Variants in DLGAP2 observed in about 807,000 individuals in gnomAD.
DLGAP2 encodes DLG associated protein 2.
In DLGAP2, 26 loss-of-function variants were observed where a neutral mutation model predicts 100.3. The ratio of observed to expected loss-of-function variants is 0.26; its 90% CI spans 0.19 to 0.36. The LOEUF is 0.36. Among genes scored for constraint, DLGAP2 ranks in the 10% least tolerant of loss-of-function variants. The pLI, the probability that DLGAP2 is intolerant of heterozygous loss-of-function variation, is 1.00. For synonymous variants in DLGAP2, 886 were observed against 630.1 expected (o/e 1.41, Z -6.08); for missense variants, 1,858 against 1,453.2 (o/e 1.28, Z -4.53).
At chr8:782,604 C>A (rs1821724430) in intron 1 of DLGAP2, among the ~76,000 whole-genome samples, 1 of 152,154 alleles carries the variant, frequency 6.6e-6, no homozygotes. Context: ...ATTGCTATGG[C>A]AGATTCAAAT....
intron 2 of DLGAP2, among the ~76,000 whole-genome samples, chr8:1,229,807 T>A (rs1365345306): frequency 6.6e-6 from 1 of 152,120 alleles, no homozygotes; most frequent in Non-Finnish European, 1.5e-5. Flanking sequence ...AAGCTTTAGA[T>A]AAAATCCAAC....
At chr8:893,817 A>T (rs1798085449) in intron 1 of DLGAP2, among the ~76,000 whole-genome samples, 1 of 152,222 alleles carries the variant, frequency 6.6e-6, no homozygotes, top group Non-Finnish European at 1.5e-5. Flanking sequence ...TGACAGAACG[A>T]GACCCCCTTC....
At chr8:1,584,897 T>C (rs1021604970) in intron 6 of DLGAP2, among the ~76,000 whole-genome samples, 1 of 152,188 alleles carries the variant, frequency 6.6e-6, no homozygotes, top group Non-Finnish European at 1.5e-5. Flanking sequence ...TTACCTCATT[T>C]CTTTCTTCTT....
intron 3 of DLGAP2, chr8:1,301,501 G>A (rs1031553848): frequency 1.3e-5 from 2 of 151,998 alleles, no homozygotes; most frequent in African/African-American, 4.8e-5. Context: ...ATAGGTCTGA[G>A]GTTCATGCTG....
intron 6 of DLGAP2, among the ~76,000 whole-genome samples, chr8:1,624,919 G>C (rs941081928): frequency 4.0e-5 from 6 of 151,600 alleles, no homozygotes; most frequent in Admixed American, 3.9e-4. Context: ...GGGAGGGGAA[G>C]GTAGGTAGGA....
chr8:1,566,194 A>T lies in DLGAP2; in HGVS notation c.1442+300A>T, dbSNP rs1802394432. Among the ~76,000 whole-genome samples the T allele has an allele frequency of 2.6e-5, 4 of 152,206 alleles. No individual in the cohort carries two copies. In the South Asian group the frequency reaches 8.3e-4, roughly 31 times the overall value. Reference sequence around the variant, plus strand: ...CATTCAGATTATCCTCAGGACAAGCACATGTCTCTGTTTGTATGAATGTGT... The same window carrying T: ...CATTCAGATTATCCTCAGGACAAGCTCATGTCTCTGTTTGTATGAATGTGT... On this transcript the variant is annotated intron_variant, in intron 6 of 14. Transcript: ENST00000637795.
At chr8:1,041,550 CG>C (rs1802347846) in intron 2 of DLGAP2, among the ~76,000 whole-genome samples, 2 of 149,854 alleles carry the variant, frequency 1.3e-5, no homozygotes, top group African/African-American at 5.0e-5. Flanking sequence ...GAGTGTTCTC[CG>C]AACCCCTTGC....
intron 5 of DLGAP2, among the ~76,000 whole-genome samples, chr8:1,551,559 C>T (rs1479935679): frequency 6.6e-6 from 1 of 152,204 alleles, no homozygotes; most frequent in East Asian, 1.9e-4. Context: ...TTCTCTCTGC[C>T]TCCAACAGCT....
intron 1 of DLGAP2, among the ~76,000 whole-genome samples, chr8:826,222 T>C (rs1032273646): frequency 1.3e-5 from 2 of 152,240 alleles, no homozygotes; most frequent in African/African-American, 2.4e-5. Flanking sequence ...TATCCATTTG[T>C]CTGTGGACGG....
intron 8 of DLGAP2, among the ~76,000 whole-genome samples, chr8:1,638,898 C>T (rs1797832230): frequency 5.3e-5 from 8 of 152,222 alleles, no homozygotes. Flanking sequence ...TCTCCTCCTG[C>T]TGAAGCAACA....
At chr8:1,481,595 C>T (rs1024565604) in intron 3 of DLGAP2, among the ~76,000 whole-genome samples, 5 of 149,860 alleles carry the variant, frequency 3.3e-5, no homozygotes, top group Middle Eastern at 3.4e-3. Flanking sequence ...TCTACTGCCT[C>T]AGCCTCCTGA....
At chr8:975,706 A>T (rs2129013100) in intron 2 of DLGAP2, among the ~76,000 whole-genome samples, 1 of 152,320 alleles carries the variant, frequency 6.6e-6, no homozygotes, top group Middle Eastern at 3.4e-3. Flanking sequence ...CTCTCTACAA[A>T]ATAAGAATAC....
intron 2 of DLGAP2, among the ~76,000 whole-genome samples, chr8:1,166,671 C>G (rs1416529281): frequency 1.3e-5 from 2 of 152,108 alleles, no homozygotes; most frequent in African/African-American, 4.8e-5. Flanking sequence ...TGTTTCCAAA[C>G]TTGTCTGATT....
chr8:1,443,961 C>A (rs1199838297), intron 3 of DLGAP2, among the ~76,000 whole-genome samples: 2 of 152,196 alleles, frequency 1.3e-5, no homozygotes, highest in African/African-American at 4.8e-5. Flanking sequence ...CAAGACAGAG[C>A]TGTGACTTAA....
At chr8:985,228 G>A (rs1323923982) in intron 2 of DLGAP2, among the ~76,000 whole-genome samples, 2 of 152,184 alleles carry the variant, frequency 1.3e-5, no homozygotes, top group South Asian at 2.1e-4. Context: ...TACAAGGTCC[G>A]AAGGCCTGGC....
At chr8:1,420,031 C>G (rs1370653837) in intron 3 of DLGAP2, among the ~76,000 whole-genome samples, 2 of 152,174 alleles carry the variant, frequency 1.3e-5, no homozygotes, top group African/African-American at 2.4e-5. Context: ...TTTATGTAGA[C>G]TTTGTTACAT....
chr8:1,626,697 G>A (rs373116852), intron 6 of DLGAP2, 43 bp from the exon 7 acceptor site: 126 of 1,561,454 alleles, frequency 8.1e-5, no homozygotes, highest in Middle Eastern at 1.7e-4. Context: ...GCCCTGCAGC[G>A]GGTGCTCACA....
chr8:1,241,149 G>A (rs1798784327), intron 2 of DLGAP2, among the ~76,000 whole-genome samples: 1 of 122,728 alleles, frequency 8.1e-6, no homozygotes, highest in Non-Finnish European at 1.7e-5. Flanking sequence ...CTCTCACGTG[G>A]TGCCATGTCT....
chr8:874,536 C>G (rs1797655124), intron 1 of DLGAP2, among the ~76,000 whole-genome samples: 1 of 152,076 alleles, frequency 6.6e-6, no homozygotes. Context: ...TTGTTGATTT[C>G]TAATTTGATT....
Sources: gnomAD v4.1 joint callset for allele counts (sites outside exome capture counted in the v4.1 genomes callset) on GRCh38, gnomAD v4.1.1 for gene constraint, MANE v1.5 for transcripts, NCBI Gene and HGNC (gene_info 2026-07-23, HGNC 2026-07-21) for gene names.